ENOX1: variants seen among roughly 807,000 people sequenced by gnomAD.
The protein encoded by ENOX1 is ecto-NOX disulfide-thiol exchanger 1.
Under a neutral mutation model 82.5 loss-of-function variants are expected in ENOX1, and 42 were observed. The observed-to-expected ratio is 0.51, with a 90% CI of 0.40 to 0.66. The LOEUF (loss-of-function observed/expected upper bound fraction) is 0.66, where lower values mean the gene tolerates loss of function less well. ENOX1 is among the 30% of genes least tolerant of loss of function. The pLI is 0.00. For missense variants in ENOX1, 608 were observed against 811.6 expected (o/e 0.75, Z 3.05); for synonymous variants, 271 against 282.2 (o/e 0.96, Z 0.40).
At chr13:43,616,187 T>TAG (rs1309689878) in intron 2 of ENOX1, among the ~76,000 whole-genome samples, 2,408 of 10,974 alleles carry the variant, frequency 0.22, 493 homozygotes, top group Middle Eastern at 0.75. Context: ...TCTATCTATC[T>TAG]ATATATATAT....
At chr13:43,540,128 A>G (rs922928710) in intron 2 of ENOX1, among the ~76,000 whole-genome samples, 1 of 152,228 alleles carries the variant, frequency 6.6e-6, no homozygotes, top group African/African-American at 2.4e-5. Context: ...TTGAAACATT[A>G]CATCTATTGA....
At chr13:43,282,915 A>C (rs1406453068) in intron 12 of ENOX1, among the ~76,000 whole-genome samples, 1 of 151,848 alleles carries the variant, frequency 6.6e-6, no homozygotes, top group Admixed American at 6.6e-5. Flanking sequence ...ATATGGTGAC[A>C]TGCCATCTCT....
At chr13:43,716,469 C>T (rs943351594) in intron 1 of ENOX1, among the ~76,000 whole-genome samples, 3 of 152,108 alleles carry the variant, frequency 2.0e-5, no homozygotes, top group Non-Finnish European at 2.9e-5. Flanking sequence ...ATCTTCGCTC[C>T]GCCAAGCAGA....
At chr13:43,696,930 C>T (rs1446479326) in intron 1 of ENOX1, among the ~76,000 whole-genome samples, 3 of 151,664 alleles carry the variant, frequency 2.0e-5, no homozygotes, top group Non-Finnish European at 4.4e-5. Flanking sequence ...TGAGGAGTTG[C>T]ATCTCAGGCA....
At chr13:43,633,247 A>T (rs922929135) in intron 2 of ENOX1, among the ~76,000 whole-genome samples, 1 of 152,192 alleles carries the variant, frequency 6.6e-6, no homozygotes, top group Non-Finnish European at 1.5e-5. Flanking sequence ...ATAATGTTCA[A>T]TGTTGATATA....
chr13:43,563,737 T>C (rs1566535109), intron 2 of ENOX1, among the ~76,000 whole-genome samples: 1 of 151,984 alleles, frequency 6.6e-6, no homozygotes, highest in Non-Finnish European at 1.5e-5. Context: ...TGCCAATACA[T>C]TGGGAAACTT....
chr13:43,551,813 C>A (rs2079208106), intron 2 of ENOX1, among the ~76,000 whole-genome samples: 1 of 152,180 alleles, frequency 6.6e-6, no homozygotes, highest in Non-Finnish European at 1.5e-5. Flanking sequence ...GTCCACACAC[C>A]ACCTCAGACA....
intron 9 of ENOX1, among the ~76,000 whole-genome samples, chr13:43,332,181 T>C (rs1185704616): frequency 6.6e-6 from 1 of 152,170 alleles, no homozygotes; most frequent in African/African-American, 2.4e-5. Flanking sequence ...CCAACGTTTT[T>C]GGCACCAGGA....
At chr13:43,493,505 G>A (rs779367443) in intron 2 of ENOX1, among the ~76,000 whole-genome samples, 1 of 152,202 alleles carries the variant, frequency 6.6e-6, no homozygotes, top group African/African-American at 2.4e-5. Context: ...AGAAGGAAAA[G>A]GCCATCCTGG....
At chr13:43,620,344 T>C (rs1275259422) in intron 2 of ENOX1, among the ~76,000 whole-genome samples, 4 of 152,152 alleles carry the variant, frequency 2.6e-5, no homozygotes, top group African/African-American at 9.6e-5. Flanking sequence ...CCTTAGAATG[T>C]CAGTTTGTGC....
intron 2 of ENOX1, among the ~76,000 whole-genome samples, chr13:43,499,253 A>C (rs1192943812): frequency 6.6e-6 from 1 of 152,080 alleles, no homozygotes; most frequent in Non-Finnish European, 1.5e-5. Flanking sequence ...ATCCTGGAAC[A>C]AAAAAGGGAC....
chr13:43,619,187 G>A (rs1220276537), intron 2 of ENOX1, among the ~76,000 whole-genome samples: 1 of 152,090 alleles, frequency 6.6e-6, no homozygotes, highest in Non-Finnish European at 1.5e-5. Flanking sequence ...TCAGCAAACA[G>A]TGACAGTTTG....
chr13:43,671,621 C>G (rs1281085749), intron 1 of ENOX1, among the ~76,000 whole-genome samples: 1 of 152,162 alleles, frequency 6.6e-6, no homozygotes, highest in Non-Finnish European at 1.5e-5. Context: ...AAGTGACGAC[C>G]TGATCACAGC....
At chr13:43,697,619 A>C (rs2086704736) in intron 1 of ENOX1, among the ~76,000 whole-genome samples, 1 of 152,232 alleles carries the variant, frequency 6.6e-6, no homozygotes. Flanking sequence ...CAGGAGATGA[A>C]GGACAGAACT....
intron 3 of ENOX1, among the ~76,000 whole-genome samples, chr13:43,430,145 G>T (rs1161238833): frequency 6.6e-6 from 1 of 152,220 alleles, no homozygotes; most frequent in Non-Finnish European, 1.5e-5. Context: ...CACAAAATAT[G>T]CATTTTGTAT....
chr13:43,519,579 C>T (rs1052131546), intron 2 of ENOX1, among the ~76,000 whole-genome samples: 1 of 152,132 alleles, frequency 6.6e-6, no homozygotes, highest in African/African-American at 2.4e-5. Flanking sequence ...TAATCTGTCT[C>T]ACCACAGCAC....
At chr13:43,244,476 T>G (rs1186135429) in intron 14 of ENOX1, among the ~76,000 whole-genome samples, 1 of 152,208 alleles carries the variant, frequency 6.6e-6, no homozygotes, top group Non-Finnish European at 1.5e-5. Context: ...TAGTGGATAT[T>G]TTCTATTTTC....
chr13:43,271,307 G>T (rs1278178805), intron 12 of ENOX1, among the ~76,000 whole-genome samples: 1 of 152,082 alleles, frequency 6.6e-6, no homozygotes, highest in Non-Finnish European at 1.5e-5. Flanking sequence ...AGATGAAGTT[G>T]CACAAATGTC....
chr13:43,301,692 A>G (rs1003755569), intron 11 of ENOX1, among the ~76,000 whole-genome samples: 1 of 152,134 alleles, frequency 6.6e-6, no homozygotes, highest in Non-Finnish European at 1.5e-5. Flanking sequence ...TGGTTTTTAC[A>G]AAAAAATTTT....
Sources: gnomAD v4.1 joint callset for allele counts (sites outside exome capture counted in the v4.1 genomes callset) on GRCh38, gnomAD v4.1.1 for gene constraint, MANE v1.5 for transcripts, NCBI Gene and HGNC (gene_info 2026-07-23, HGNC 2026-07-21) for gene names.